The following CADM1 variants were observed in gnomAD, a reference collection of about 807,000 sequenced individuals.
The protein encoded by CADM1 is TSLC-1.
A neutral mutation model predicts 53.1 loss-of-function variants in CADM1; 15 were observed. The observed-to-expected ratio is 0.28, with a 90% CI of 0.19 to 0.44. The LOEUF (loss-of-function observed/expected upper bound fraction) is 0.44, where lower values mean the gene tolerates loss of function less well. Among genes scored for constraint, CADM1 ranks in the 20% least tolerant of loss-of-function variants. The pLI is 1.00. For missense variants in CADM1, 434 were observed against 611.3 expected, an observed-to-expected ratio of 0.71 and a Z score of 3.06; for synonymous variants, 281 against 243.0, an observed-to-expected ratio of 1.16 and a Z score of -1.45.
At chr11:115,435,436 T>A (rs1948161262) in intron 1 of CADM1, among the ~76,000 whole-genome samples, 1 of 152,102 alleles carries the variant, frequency 6.6e-6, no homozygotes. Context: ...GTGTCCATAA[T>A]AAAAGTTGTA....
intron 1 of CADM1, among the ~76,000 whole-genome samples, chr11:115,448,352 GA>G (rs199619178): frequency 4.2e-4 from 64 of 151,792 alleles, no homozygotes; most frequent in African/African-American, 1.4e-3. Context: ...AATCTGATTA[GA>G]AAAAAAATGA....
chr11:115,355,651 A>T (rs1186872847), intron 1 of CADM1, among the ~76,000 whole-genome samples: 1 of 152,172 alleles, frequency 6.6e-6, no homozygotes, highest in Non-Finnish European at 1.5e-5. Flanking sequence ...ATCAAGTTAT[A>T]GGCAAACTAC....
intron 1 of CADM1, among the ~76,000 whole-genome samples, chr11:115,404,011 A>G (rs969945696): frequency 6.6e-5 from 10 of 151,874 alleles, no homozygotes; most frequent in Non-Finnish European, 1.5e-5. Context: ...CATGGAAACA[A>G]CCAGATATCC....
At position 115,176,134 on chromosome 11, in the gene CADM1, A is replaced by G; in HGVS notation, c.*340T>C. 1 of 1,152,500 alleles carries G rather than the reference A, an allele frequency of 8.7e-7. No individual in the cohort carries two copies. The highest frequency in any genetic ancestry group is 1.1e-6 in the Non-Finnish European group (1 of 925,832). The allele number at this position is 1,152,500 out of a possible 1,614,324, so 71.4% of individuals were successfully genotyped here. On this transcript the variant is annotated 3_prime_UTR_variant, in exon 12 of 12. Coordinates refer to ENST00000331581, the MANE Select transcript of CADM1 (RefSeq NM_001301043.2). Reference sequence around the variant, plus strand: ...GTAGAGGGAGGAAATAAATGTGCACAAAGGGGGAAAAGAAAGGAACGCAAC... The same window carrying G: ...GTAGAGGGAGGAAATAAATGTGCACGAAGGGGGAAAAGAAAGGAACGCAAC...
At chr11:115,199,693 C>T (rs1439291135) in intron 8 of CADM1, among the ~76,000 whole-genome samples, 1 of 152,192 alleles carries the variant, frequency 6.6e-6, no homozygotes, top group Non-Finnish European at 1.5e-5. Context: ...TCTAAACTTC[C>T]CAGGCACATT....
intron 1 of CADM1, among the ~76,000 whole-genome samples, chr11:115,428,443 G>T (rs896073986): frequency 6.6e-6 from 1 of 152,022 alleles, no homozygotes; most frequent in Admixed American, 6.6e-5. Context: ...CATTAAGAAA[G>T]GCAAGAGTCC....
At chr11:115,281,837 ATCATAATACTATATT>A in intron 1 of CADM1, among the ~76,000 whole-genome samples, 1 of 152,298 alleles carries the variant, frequency 6.6e-6, no homozygotes, top group Admixed American at 6.5e-5. Flanking sequence ...TAAGTTTAAA[ATCATAATACTATATT>A]TAATGGCTAA....
intron 7 of CADM1, among the ~76,000 whole-genome samples, chr11:115,210,408 G>A (rs1032555094): frequency 1.3e-5 from 2 of 152,018 alleles, no homozygotes; most frequent in Non-Finnish European, 1.5e-5. Context: ...AATGAGACTC[G>A]ACCTTCAAAG....
intron 1 of CADM1, among the ~76,000 whole-genome samples, chr11:115,406,452 A>C (rs1484502966): frequency 6.6e-6 from 1 of 150,412 alleles, no homozygotes; most frequent in Non-Finnish European, 1.5e-5. Context: ...TTTAAAGAAT[A>C]AATACATGTG....
In CADM1 at chr11:115,179,502, C is replaced by T. The variant is rs375102400; in HGVS notation, c.1166-727G>A. Among the ~76,000 whole-genome samples the T allele has an allele frequency of 1.2e-4, 18 of 152,258 alleles. No homozygotes were observed. In the East Asian group the frequency reaches 2.1e-3, roughly 18 times the overall value. On this transcript the variant is annotated intron_variant, in intron 10 of 11. Transcript: ENST00000331581. ...AGGATGTCTTCTTCTGACTGAGGAACGACATGTTTGGCTGGGGAACAACTC... is the reference window on the plus strand; with the variant it reads ...AGGATGTCTTCTTCTGACTGAGGAATGACATGTTTGGCTGGGGAACAACTC...
intron 5 of CADM1, among the ~76,000 whole-genome samples, chr11:115,223,071 G>T (rs1387033204): frequency 6.6e-6 from 1 of 152,160 alleles, no homozygotes; most frequent in African/African-American, 2.4e-5. Flanking sequence ...ATGAATGAAG[G>T]AATAAGTGAA....
intron 1 of CADM1, among the ~76,000 whole-genome samples, chr11:115,324,253 C>A (rs1944901152): frequency 6.6e-6 from 1 of 152,204 alleles, no homozygotes; most frequent in Non-Finnish European, 1.5e-5. Context: ...TTCCTTTAGA[C>A]TTCTCTGAAC....
chr11:115,206,065 T>A (rs1156506008), intron 8 of CADM1, among the ~76,000 whole-genome samples: 2 of 152,194 alleles, frequency 1.3e-5, no homozygotes, highest in Non-Finnish European at 2.9e-5. Context: ...ACACTTACAT[T>A]AGCCTATAGT....
intron 1 of CADM1, among the ~76,000 whole-genome samples, chr11:115,290,797 T>A (rs945717272): frequency 6.6e-6 from 1 of 152,188 alleles, no homozygotes; most frequent in Admixed American, 6.5e-5. Flanking sequence ...AGTAAGCTAT[T>A]TCAACTTGTT....
intron 1 of CADM1, among the ~76,000 whole-genome samples, chr11:115,434,860 A>ATTTTTT (rs35368859): frequency 2.3e-5 from 3 of 132,826 alleles, no homozygotes; most frequent in East Asian, 2.1e-4. Flanking sequence ...TATTATTATT[A>ATTTTTT]TTATTTTTTT....
At chr11:115,259,429 C>G (rs1267181809) in intron 1 of CADM1, among the ~76,000 whole-genome samples, 2 of 150,570 alleles carry the variant, frequency 1.3e-5, no homozygotes, top group Non-Finnish European at 3.0e-5. Flanking sequence ...CCTCAGCCCC[C>G]CAAGTGGCTG....
In CADM1 at chr11:115,400,661, GTATATATATATATATATATATATATA is replaced by G. The variant is rs372594262; in HGVS notation, c.124+103584_124+103609del. ...TATATGTGTGTGTGTGTGTGTGTGT[GTATATATATATATATATATATATATA>G]TATATATATATATATATATGCTTAT... On this transcript the variant is annotated intron_variant, in intron 1 of 11. Transcript: ENST00000331581. 7.3e-3 allele frequency among the ~76,000 whole-genome samples: 338 copies of G among 46,574 alleles called. 6 individuals carry two copies. Among genetic ancestry groups the G allele is most frequent in the East Asian group, 0.024 (35 of 1,442 alleles). The allele number at this position is 46,574 out of a possible 152,430, so 30.6% of individuals were successfully genotyped here. A position where few individuals can be genotyped will look rare whatever the true frequency, so the allele number is the denominator to read the frequency against.
intron 1 of CADM1, among the ~76,000 whole-genome samples, chr11:115,404,444 C>T (rs1464602225): frequency 5.3e-5 from 7 of 131,428 alleles, no homozygotes; most frequent in Non-Finnish European, 1.1e-4. Flanking sequence ...AAGTAAAACG[C>T]AAACTTTTAG....
intron 1 of CADM1, among the ~76,000 whole-genome samples, chr11:115,429,345 T>C (rs1306686789): frequency 1.3e-5 from 2 of 152,120 alleles, no homozygotes. Context: ...CGGTGGCTCA[T>C]GCCTGTAATC....
Sources: gnomAD v4.1 joint callset for allele counts (sites outside exome capture counted in the v4.1 genomes callset) on GRCh38, gnomAD v4.1.1 for gene constraint, MANE v1.5 for transcripts, NCBI Gene and HGNC (gene_info 2026-07-23, HGNC 2026-07-21) for gene names.